The following MEAF6 variants were observed in gnomAD, a reference collection of about 807,000 sequenced individuals.
MEAF6 encodes MYST/Esa1 associated factor 6.
MEAF6 carries 15 observed loss-of-function variants against 28.9 expected under a neutral mutation model. The observed-to-expected ratio is 0.52, with a 90% CI of 0.35 to 0.80. The LOEUF is 0.80. Among genes scored for constraint, MEAF6 ranks in the 30% least tolerant of loss-of-function variants. The pLI is 0.01. For synonymous variants in MEAF6, 97 were observed against 88.7 expected, an observed-to-expected ratio of 1.09 and a Z score of -0.53; for missense variants, 178 against 237.5, an observed-to-expected ratio of 0.75 and a Z score of 1.65.
At chr1:37,497,227 GGTTTGTTT>G (rs144815094) in intron 5 of MEAF6, among the ~76,000 whole-genome samples, 51 of 151,694 alleles carry the variant, frequency 3.4e-4, no homozygotes, top group African/African-American at 6.0e-4. Flanking sequence ...AAGTTATATG[GGTTTGTTT>G]GTTTGTTTGT....
intron 6 of MEAF6, among the ~76,000 whole-genome samples, 178 bp downstream of exon 6, chr1:37,495,707 A>AAAAAAAAAAAAAAAC (rs1642107037): frequency 1.0e-5 from 1 of 98,508 alleles, no homozygotes. Flanking sequence ...CAAAAAACAA[A>AAAAAAAAAAAAAAAC]AAAAAAAAAA....
At position 37,493,848 on chromosome 1, in the gene MEAF6, C is replaced by T. The variant is rs762115268; in HGVS notation, c.*251G>A. The T allele has an allele frequency of 1.3e-6, 2 of 1,551,394 alleles. No individual in the cohort carries two copies. Among genetic ancestry groups the T allele is most frequent in the East Asian group, 2.4e-5 (1 of 41,082 alleles). On this transcript the variant is annotated 3_prime_UTR_variant, in exon 7 of 7. Transcript: ENST00000296214. The stretch of plus-strand genomic sequence containing the variant: ...GGAGAAACGCACAGTTAGCAACTTG[C>T]TGGGATTACAACATTGTCTTCATCT...
chr1:37,503,250 A>G (rs1642373676), intron 4 of MEAF6, among the ~76,000 whole-genome samples: 1 of 152,244 alleles, frequency 6.6e-6, no homozygotes, highest in Non-Finnish European at 1.5e-5. Context: ...ATACTTTTAA[A>G]ATGCAGTAAT....
chr1:37,513,061 G>A (rs1274482685), intron 2 of MEAF6, among the ~76,000 whole-genome samples: 2 of 151,970 alleles, frequency 1.3e-5, no homozygotes, highest in Admixed American at 1.3e-4. Context: ...ATGGTGGCAC[G>A]CACCTGTAAT....
intron 2 of MEAF6, among the ~76,000 whole-genome samples, chr1:37,511,013 C>T (rs1642652332): frequency 6.6e-6 from 1 of 152,234 alleles, no homozygotes; most frequent in South Asian, 2.1e-4. Flanking sequence ...AGCCACTATG[C>T]CCGGCCAATA....
At position 37,493,715 on chromosome 1, in the gene MEAF6, C is replaced by T; in HGVS notation, c.*384G>A. 1.5e-6 allele frequency: 2 copies of T among 1,338,686 alleles called. No individual in the cohort carries two copies. The highest frequency in any genetic ancestry group is 2.1e-5 in the Admixed American group (1 of 48,536). 82.9% of individuals were successfully genotyped at this position (1,338,686 alleles called of 1,614,324 possible). A position where few individuals can be genotyped will look rare whatever the true frequency, so the allele number is the denominator to read the frequency against. On this transcript the variant is annotated 3_prime_UTR_variant, in exon 7 of 7. Transcript: ENST00000296214. ...TTTACAGCCTCCATCTGAAATGTGA[C>T]TTGTGTTCTACTTTCAGCATAAAAC...
chr1:37,505,998 C>T (rs940935769), intron 4 of MEAF6, among the ~76,000 whole-genome samples: 15 of 152,190 alleles, frequency 9.9e-5, no homozygotes, highest in African/African-American at 3.6e-4. Context: ...CCTGGCCGGG[C>T]GCAGTGGCTC....
At position 37,506,736 on chromosome 1, in the gene MEAF6, C is replaced by T. The variant is rs1365515790; in HGVS notation, c.340+2542G>A. Among the ~76,000 whole-genome samples, 7 of 152,204 alleles carry T rather than the reference C, an allele frequency of 4.6e-5. No individual in the cohort carries two copies. The East Asian group carries it at 9.7e-4, about 21-fold the overall frequency. On this transcript the variant is annotated intron_variant, in intron 4 of 6. Coordinates refer to ENST00000296214, the MANE Select transcript of MEAF6 (RefSeq NM_001270875.3). ...ACAAGGTCTCACTCTGTCACTCAGG[C>T]TGGAGTGTCATGGCTCACTACAGCC...
chr1:37,495,077 G>A (rs1486112403), intron 6 of MEAF6, among the ~76,000 whole-genome samples: 1 of 151,794 alleles, frequency 6.6e-6, no homozygotes, highest in African/African-American at 2.4e-5. Flanking sequence ...GCTCACGCCT[G>A]TAATCCCAGC....
At chr1:37,507,673 A>C (rs1327770070) in intron 4 of MEAF6, among the ~76,000 whole-genome samples, 1 of 152,092 alleles carries the variant, frequency 6.6e-6, no homozygotes, top group Non-Finnish European at 1.5e-5. Context: ...ATGAGTGGAA[A>C]TGTCTAGAAG....
At chr1:37,495,177 C>A (rs1050501375) in intron 6 of MEAF6, among the ~76,000 whole-genome samples, 1 of 151,296 alleles carries the variant, frequency 6.6e-6, no homozygotes, top group African/African-American at 2.4e-5. Context: ...TACTAAAATA[C>A]AAAAACTAGC....
intron 4 of MEAF6, among the ~76,000 whole-genome samples, chr1:37,508,213 A>G (rs1248637386): frequency 6.6e-6 from 1 of 151,160 alleles, no homozygotes; most frequent in Non-Finnish European, 1.5e-5. Context: ...AGTAAATAGC[A>G]CTATTTTCCA....
chr1:37,509,261 T>G lies in MEAF6; in HGVS notation c.340+17A>C. The stretch of plus-strand genomic sequence containing the variant: ...CTTAAAAATAAACTGATGAGAAACA[T>G]AAAAACATCAACTTACTCTTTTCAA... On this transcript the variant is annotated intron_variant, in intron 4 of 6. Coordinates refer to ENST00000296214, the MANE Select transcript of MEAF6 (RefSeq NM_001270875.3). 1 of 1,612,010 alleles carries G rather than the reference T, an allele frequency of 6.2e-7. No homozygotes were observed. Among genetic ancestry groups the G allele is most frequent in the Non-Finnish European group, 8.5e-7 (1 of 1,178,252 alleles).
chr1:37,491,915 CTTTT>C lies in MEAF6; in HGVS notation c.*2180_*2183del, dbSNP rs1168160086. On this transcript the variant is annotated 3_prime_UTR_variant, in exon 7 of 7. Transcript: ENST00000296214. ...CTTTTTAAGAGCAGTACTATTCTTT[CTTTT>C]TTTTTTTTTTTTTGACAGAGTCTCG... is the stretch of plus-strand genomic sequence containing the variant. Among the ~76,000 whole-genome samples, 4 of 132,746 alleles carry C rather than the reference CTTTT, an allele frequency of 3.0e-5. No homozygotes were observed. Among genetic ancestry groups the C allele is most frequent in the Admixed American group, 1.5e-4 (2 of 13,272 alleles). The allele number at this position is 132,746 out of a possible 152,430, so 87.1% of individuals were successfully genotyped here.
chr1:37,508,875 T>A (rs1251031411), intron 4 of MEAF6, among the ~76,000 whole-genome samples: 1 of 152,144 alleles, frequency 6.6e-6, no homozygotes, highest in African/African-American at 2.4e-5. Context: ...AGTGGGAGGA[T>A]TATTTGATGC....
intron 2 of MEAF6, among the ~76,000 whole-genome samples, chr1:37,511,499 A>G (rs879862345): frequency 3.3e-5 from 5 of 152,372 alleles, no homozygotes; most frequent in Admixed American, 1.3e-4. Flanking sequence ...AATGTCTCAA[A>G]GCATAACATC....
In MEAF6 at chr1:37,493,627, A is replaced by G. The variant is rs940563596; in HGVS notation, c.*472T>C. On this transcript the variant is annotated 3_prime_UTR_variant, in exon 7 of 7. Coordinates refer to ENST00000296214, the MANE Select transcript of MEAF6 (RefSeq NM_001270875.3). The stretch of plus-strand genomic sequence containing the variant: ...GCATTACAAAAAAACCCCAAAGAAA[A>G]TAAGATAAAAACAACAAGAGAAAAA... The G allele has an allele frequency of 2.6e-6, 2 of 777,654 alleles. No homozygotes were observed. Among genetic ancestry groups the G allele is most frequent in the Admixed American group, 2.9e-5 (1 of 34,896 alleles). The allele number at this position is 777,654 out of a possible 1,614,324, so 48.2% of individuals were successfully genotyped here.
In MEAF6 at chr1:37,492,056, T is replaced by C. The variant is rs1326915284; in HGVS notation, c.*2043A>G. ...AATATTTTTTTTTTTTGAGATGGAGTCTCGCTCTGTCGCCCAGGCTGGAGT... is the reference window on the plus strand; with the variant it reads ...AATATTTTTTTTTTTTGAGATGGAGCCTCGCTCTGTCGCCCAGGCTGGAGT... On this transcript the variant is annotated 3_prime_UTR_variant, in exon 7 of 7. Transcript: ENST00000296214. Among the ~76,000 whole-genome samples, 1 of 149,254 alleles carries C rather than the reference T, an allele frequency of 6.7e-6. No homozygotes were observed. Among genetic ancestry groups the C allele is most frequent in the Non-Finnish European group, 1.5e-5 (1 of 67,552 alleles).
chr1:37,504,825 ACATT>A lies in MEAF6; in HGVS notation c.341-2833_341-2830del, dbSNP rs534183521. Among the ~76,000 whole-genome samples, 134 of 150,108 alleles carry A rather than the reference ACATT, an allele frequency of 8.9e-4. 1 individual carries two copies. In the Middle Eastern group the frequency reaches 0.01, roughly 12 times the overall value. On this transcript the variant is annotated intron_variant, in intron 4 of 6. Transcript: ENST00000296214. ...TACACACACACACACACACACACACACATTATCTATTTCTAAAACTTGTCAAAAA... is the reference window on the plus strand; with the variant it reads ...TACACACACACACACACACACACACAATCTATTTCTAAAACTTGTCAAAAA...
Sources: gnomAD v4.1 joint callset for allele counts (sites outside exome capture counted in the v4.1 genomes callset) on GRCh38, gnomAD v4.1.1 for gene constraint, MANE v1.5 for transcripts, NCBI Gene and HGNC (gene_info 2026-07-23, HGNC 2026-07-21) for gene names.